PRR16: variants seen among roughly 807,000 people sequenced by gnomAD.
PRR16 encodes the protein proline rich 16.
In PRR16, 6 loss-of-function variants were observed where a neutral mutation model predicts 18.2. The ratio of observed to expected loss-of-function variants is 0.33; its 90% CI spans 0.18 to 0.65. PRR16 has a LOEUF of 0.65. PRR16 is among the 30% of genes least tolerant of loss of function. The probability of loss-of-function intolerance (pLI) is 0.74; values close to 1 mark genes in which losing one functional copy is unlikely to be tolerated. For missense variants in PRR16, 412 were observed against 376.6 expected, an observed-to-expected ratio of 1.09 and a Z score of -0.78; for synonymous variants, 151 against 147.8, an observed-to-expected ratio of 1.02 and a Z score of -0.16.
the PRR16 span, among the ~76,000 whole-genome samples, chr5:120,702,551 G>C: frequency 6.6e-6 from 1 of 152,156 alleles, no homozygotes; most frequent in South Asian, 2.1e-4. Flanking sequence ...AGGCGTCCCT[G>C]CGTGGTCTGA....
intron 1 of PRR16, among the ~76,000 whole-genome samples, chr5:120,469,973 A>T (rs1176822215): frequency 6.6e-6 from 1 of 152,222 alleles, no homozygotes. Context: ...AGTAATAGAT[A>T]ATAAAGCCAG....
At chr5:120,788,407 C>T in the PRR16 span, among the ~76,000 whole-genome samples, 1 of 152,042 alleles carries the variant, frequency 6.6e-6, no homozygotes, top group Admixed American at 6.6e-5. Context: ...GTTTCAAATC[C>T]ATGAATTATG....
chr5:120,760,471 A>C, the PRR16 span, among the ~76,000 whole-genome samples: 1 of 151,932 alleles, frequency 6.6e-6, no homozygotes, highest in Non-Finnish European at 1.5e-5. Flanking sequence ...TATTTTATTT[A>C]TAAAATTTTG....
the PRR16 span, among the ~76,000 whole-genome samples, chr5:120,760,552 G>A: frequency 2.0e-5 from 3 of 151,992 alleles, no homozygotes; most frequent in African/African-American, 2.4e-5. Context: ...GGTACTACAG[G>A]ACTGAGCCTG....
At chr5:120,675,071 T>C (rs944920367) in intron 1 of PRR16, among the ~76,000 whole-genome samples, 2 of 152,154 alleles carry the variant, frequency 1.3e-5, no homozygotes, top group African/African-American at 2.4e-5. Flanking sequence ...ATTGATCAAT[T>C]CATTCATTTT....
At chr5:120,622,985 G>C (rs569162832) in intron 1 of PRR16, among the ~76,000 whole-genome samples, 1 of 152,198 alleles carries the variant, frequency 6.6e-6, no homozygotes, top group South Asian at 2.1e-4. Context: ...CACATTTTAT[G>C]TCTTGGAATT....
intron 1 of PRR16, among the ~76,000 whole-genome samples, chr5:120,673,957 G>GA (rs5870917): frequency 0.97 from 142,133 of 145,966 alleles, 69,263 homozygotes; most frequent in South Asian, 1. Context: ...CTTTCTCAAA[G>GA]AAAAAAAAAA....
At chr5:120,631,945 A>G (rs1755069602) in intron 1 of PRR16, among the ~76,000 whole-genome samples, 1 of 152,116 alleles carries the variant, frequency 6.6e-6, no homozygotes, top group Non-Finnish European at 1.5e-5. Context: ...CCAGCACACT[A>G]AATGAAAACA....
At chr5:120,492,908 T>G (rs1580643122) in intron 1 of PRR16, among the ~76,000 whole-genome samples, 1 of 152,194 alleles carries the variant, frequency 6.6e-6, no homozygotes, top group Non-Finnish European at 1.5e-5. Flanking sequence ...TTTTATGGCT[T>G]AGTAGTAGTC....
chr5:120,467,456 GT>G (rs1372987324), intron 1 of PRR16, among the ~76,000 whole-genome samples: 10 of 151,746 alleles, frequency 6.6e-5, no homozygotes, highest in African/African-American at 2.4e-4. Flanking sequence ...CTTTAATTCT[GT>G]TCTTTGTTTT....
At chr5:120,468,634 A>C (rs1325838225) in intron 1 of PRR16, among the ~76,000 whole-genome samples, 1 of 152,236 alleles carries the variant, frequency 6.6e-6, no homozygotes, top group Admixed American at 6.5e-5. Context: ...TTGAGTAGCA[A>C]TATGCCTGTT....
At chr5:120,475,940 T>C (rs986084975) in intron 1 of PRR16, among the ~76,000 whole-genome samples, 2 of 152,100 alleles carry the variant, frequency 1.3e-5, no homozygotes, top group Non-Finnish European at 2.9e-5. Flanking sequence ...AAAAGAAAAG[T>C]ACATGATGCA....
chr5:120,750,386 C>T, the PRR16 span, among the ~76,000 whole-genome samples: 5,019 of 151,986 alleles, frequency 0.033, 211 homozygotes, highest in African/African-American at 0.097. Context: ...GAGTCAGGCG[C>T]GGTGGCTCAC....
the PRR16 span, among the ~76,000 whole-genome samples, chr5:120,755,900 G>C: frequency 1.3e-5 from 2 of 152,080 alleles, no homozygotes; most frequent in Non-Finnish European, 2.9e-5. Context: ...TCCAGAGTGG[G>C]AGGGGGCTCA....
chr5:120,714,829 T>C, the PRR16 span, among the ~76,000 whole-genome samples: 1 of 152,188 alleles, frequency 6.6e-6, no homozygotes, highest in East Asian at 1.9e-4. Flanking sequence ...TAAGATCATG[T>C]ACTTTGCAGG....
chr5:120,734,462 C>A, the PRR16 span, among the ~76,000 whole-genome samples: 16 of 152,212 alleles, frequency 1.1e-4, no homozygotes, highest in African/African-American at 3.6e-4. Flanking sequence ...ACATCTAGAA[C>A]TTAGTAAAAA....
intron 1 of PRR16, among the ~76,000 whole-genome samples, chr5:120,667,914 A>T (rs374544429): frequency 6.6e-6 from 1 of 152,088 alleles, no homozygotes; most frequent in African/African-American, 2.4e-5. Flanking sequence ...GTGGTGCTGA[A>T]AAAAATGTAT....
At chr5:120,759,948 A>G in the PRR16 span, among the ~76,000 whole-genome samples, 13 of 152,278 alleles carry the variant, frequency 8.5e-5, no homozygotes, top group African/African-American at 1.7e-4. Context: ...TCTAATAACA[A>G]TGTATGAAAT....
chr5:120,530,062 C>T (rs959906033), intron 1 of PRR16, among the ~76,000 whole-genome samples: 1 of 150,278 alleles, frequency 6.7e-6, no homozygotes, highest in Non-Finnish European at 1.5e-5. Flanking sequence ...ATTTTTCTGT[C>T]ATATAGCAAG....
Sources: allele counts gnomAD v4.1 joint callset (sites outside exome capture counted in the v4.1 genomes callset), GRCh38; gene constraint gnomAD v4.1.1; transcripts MANE v1.5; gene names NCBI Gene and HGNC (gene_info 2026-07-23, HGNC 2026-07-21).